The following KYAT1 variants were observed in gnomAD, a reference collection of about 807,000 sequenced individuals.
KYAT1 encodes kynurenine aminotransferase 1, also known as kynurenine--oxoglutarate transaminase 1.
A neutral mutation model predicts 52.4 loss-of-function variants in KYAT1; 47 were observed. The observed-to-expected ratio is 0.90, with a 90% CI of 0.71 to 1.14. The LOEUF (loss-of-function observed/expected upper bound fraction) is 1.14, where lower values mean the gene tolerates loss of function less well. Ranked by LOEUF, KYAT1 falls within the 50% of genes most tolerant of loss-of-function variation. KYAT1 has a pLI of 0.00. For missense variants in KYAT1, 480 were observed against 557.9 expected, an observed-to-expected ratio of 0.86 and a Z score of 1.41; for synonymous variants, 212 against 209.6, an observed-to-expected ratio of 1.01 and a Z score of -0.10.
At chr9:128,848,820 CA>C (rs746737161) in intron 1 of KYAT1, among the ~76,000 whole-genome samples, 258 of 57,062 alleles carry the variant, frequency 4.5e-3, no homozygotes, top group East Asian at 0.03. Flanking sequence ...GACTCTGTCT[CA>C]AAAAAAAAAA....
chr9:128,836,964 G>A (rs201028866), intron 6 of KYAT1, 42 bp from the exon 7 acceptor site: 182 of 1,595,266 alleles, frequency 1.1e-4, no homozygotes, highest in Middle Eastern at 6.7e-4. Context: ...AGCTGGGACC[G>A]TCCCCAAACA....
intron 1 of KYAT1, chr9:128,847,520 C>T: frequency 6.5e-7 from 1 of 1,535,516 alleles, no homozygotes. Flanking sequence ...CTGCTGCAGT[C>T]CTGAACATGC....
intron 1 of KYAT1, among the ~76,000 whole-genome samples, chr9:128,872,012 C>T (rs930835574): frequency 3.3e-5 from 5 of 151,520 alleles, no homozygotes; most frequent in Non-Finnish European, 7.4e-5. Flanking sequence ...GCCTGTAGTC[C>T]CAGCTACTCC....
intron 1 of KYAT1, among the ~76,000 whole-genome samples, chr9:128,857,240 C>T (rs955019707): frequency 1.3e-5 from 2 of 152,178 alleles, no homozygotes; most frequent in Non-Finnish European, 1.5e-5. Flanking sequence ...CCCTGCTCTC[C>T]TACTGCATTC....
At chr9:128,862,967 G>GGTGT in intron 1 of KYAT1, among the ~76,000 whole-genome samples, 7 of 152,088 alleles carry the variant, frequency 4.6e-5, no homozygotes, top group Non-Finnish European at 8.8e-5. Flanking sequence ...TGGGATTACA[G>GGTGT]ACGCGCGCTA....
chr9:128,837,657 G>A (rs1309321502), intron 6 of KYAT1, 28 bp downstream of exon 6: 22 of 1,613,382 alleles, frequency 1.4e-5, no homozygotes, highest in Non-Finnish European at 1.9e-5. Context: ...GGTCCGCAGG[G>A]GGCCAGGGAA....
intron 1 of KYAT1, among the ~76,000 whole-genome samples, chr9:128,868,994 G>C (rs1836834583): frequency 6.6e-6 from 1 of 151,980 alleles, no homozygotes; most frequent in Non-Finnish European, 1.5e-5. Flanking sequence ...GTGAGCCACT[G>C]TGCCTGGCCA....
chr9:128,863,325 T>G (rs1835711024), intron 1 of KYAT1, among the ~76,000 whole-genome samples: 1 of 151,966 alleles, frequency 6.6e-6, no homozygotes, highest in African/African-American at 2.4e-5. Flanking sequence ...TTTCTATGCA[T>G]GAAATAAATA....
intron 3 of KYAT1, chr9:128,840,595 A>G (rs1337956605): frequency 4.6e-6 from 2 of 430,422 alleles, no homozygotes; most frequent in Non-Finnish European, 9.2e-6. Flanking sequence ...AAGAAAGAAA[A>G]GAAAAAGATA....
intron 1 of KYAT1, among the ~76,000 whole-genome samples, chr9:128,865,339 A>T (rs1564491649): frequency 0.015 from 28 of 1,926 alleles, 2 homozygotes; most frequent in Non-Finnish European, 0.031. Context: ...ATATATATAT[A>T]TATATATATA....
At chr9:128,845,484 G>A (rs1444094414) in intron 1 of KYAT1, 73 bp from the exon 2 acceptor site, 2 of 1,424,136 alleles carry the variant, frequency 1.4e-6, no homozygotes, top group South Asian at 1.2e-5. Context: ...CACACAGGAG[G>A]GACAGCTGCT....
rs1406072475 is a variant in KYAT1 at position 128,873,778 on chromosome 9, TAAATAC to T, written c.-7+8113_-7+8118del. Among the ~76,000 whole-genome samples the T allele has an allele frequency of 4.7e-4, 71 of 150,194 alleles. 1 individual carries two copies. The highest frequency in any genetic ancestry group is 1.6e-3 in the African/African-American group (65 of 40,730). ...TCCATCTCAAAAAGAAAAAAAAAAT[TAAATAC>T]AAATACAAAAAATTAGCCGGGCATG... is the stretch of plus-strand genomic sequence containing the variant. On this transcript the variant is annotated intron_variant, in intron 1 of 12. Transcript: ENST00000302586.
intron 1 of KYAT1, 69 bp from the exon 2 acceptor site, chr9:128,845,480 G>C: frequency 2.1e-6 from 3 of 1,457,356 alleles, no homozygotes; most frequent in South Asian, 2.3e-5. Flanking sequence ...CTTGCACACA[G>C]GAGGGACAGC....
chr9:128,875,250 T>TG (rs200984890), intron 1 of KYAT1, among the ~76,000 whole-genome samples: 6 of 133,770 alleles, frequency 4.5e-5, no homozygotes, highest in African/African-American at 8.7e-5. Context: ...TTTTTTTTGT[T>TG]TTTTTTTTTT....
chr9:128,882,028 G>C (rs1923619), upstream of KYAT1: 1 of 152,234 alleles, frequency 6.6e-6, no homozygotes. Context: ...GCGCGGAGGC[G>C]AGAGCGGGAG....
In KYAT1 at chr9:128,842,783, C is replaced by T; in HGVS notation, c.72G>A (p.Leu24=). Residue 24 remains leucine (L), a synonymous_variant, in exon 3 of 13, where the codon CTG becomes CTA. Transcript: ENST00000302586. ...DYNPWVEFVK[L]ASEHDVVNLG... is the part of the protein sequence containing the mutation. ...AGTTCACGACGTCATGCTCACTGGC[C>T]AGTTTCACAAACTCCACCCTGGGTA... 6.2e-7 allele frequency: 1 copy of T among 1,613,870 alleles called. No homozygotes were observed. Among genetic ancestry groups the T allele is most frequent in the Non-Finnish European group, 8.5e-7 (1 of 1,179,874 alleles).
At chr9:128,846,451 T>TA (rs1833105964) in intron 1 of KYAT1, among the ~76,000 whole-genome samples, 1 of 150,980 alleles carries the variant, frequency 6.6e-6, no homozygotes, top group Non-Finnish European at 1.5e-5. Context: ...CAAAGAAACT[T>TA]ATCTGGGCGT....
intron 1 of KYAT1, among the ~76,000 whole-genome samples, chr9:128,858,901 G>A (rs964038805): frequency 1.3e-5 from 2 of 151,090 alleles, no homozygotes; most frequent in Non-Finnish European, 1.5e-5. Flanking sequence ...CCAGCTACTC[G>A]GGAGGCTGAG....
At chr9:128,866,905 CA>C (rs536684198) in intron 1 of KYAT1, among the ~76,000 whole-genome samples, 6,042 of 104,892 alleles carry the variant, frequency 0.058, 128 homozygotes, top group Middle Eastern at 0.11. Context: ...GACTCTGTCT[CA>C]AAAAAAAAAA....
Sources: gnomAD v4.1 joint callset for allele counts (sites outside exome capture counted in the v4.1 genomes callset) on GRCh38, gnomAD v4.1.1 for gene constraint, MANE v1.5 for transcripts, NCBI Gene and HGNC (gene_info 2026-07-23, HGNC 2026-07-21) for gene names.